The following GRIN2A variants were observed in gnomAD, a reference collection of about 807,000 sequenced individuals.
GRIN2A encodes the protein glutamate receptor ionotropic, NMDA 2A.
A neutral mutation model predicts 113.4 loss-of-function variants in GRIN2A; 22 were observed. That is an observed-to-expected ratio of 0.19 (90% CI 0.14 to 0.28). The LOEUF (loss-of-function observed/expected upper bound fraction) is 0.28. Ranked by LOEUF, GRIN2A falls within the 10% of genes least tolerant of loss-of-function variation. GRIN2A has a pLI of 1.00. For synonymous variants in GRIN2A, 827 were observed against 738.4 expected (o/e 1.12, Z -1.94); for missense variants, 1,502 against 1,887.0 (o/e 0.80, Z 3.78).
chr16:9,863,144 G>A (rs1256854549), intron 4 of GRIN2A, among the ~76,000 whole-genome samples: 1 of 152,182 alleles, frequency 6.6e-6, no homozygotes, highest in Non-Finnish European at 1.5e-5. Context: ...ATATTTCCAA[G>A]GCTGCCATCC....
At chr16:9,990,554 C>T (rs566099295) in intron 2 of GRIN2A, among the ~76,000 whole-genome samples, 488 of 105,406 alleles carry the variant, frequency 4.6e-3, no homozygotes, top group African/African-American at 6.1e-3. Flanking sequence ...CACGCGCGCG[C>T]GCGCGCGCGC....
intron 11 of GRIN2A, among the ~76,000 whole-genome samples, chr16:9,793,017 A>G (rs142160125): frequency 1.6e-4 from 24 of 152,318 alleles, no homozygotes; most frequent in Middle Eastern, 3.4e-3. Flanking sequence ...CCCTAGACCC[A>G]CTGAAACAGT....
At chr16:9,912,619 T>C (rs2044167197) in intron 3 of GRIN2A, among the ~76,000 whole-genome samples, 2 of 152,198 alleles carry the variant, frequency 1.3e-5, no homozygotes, top group South Asian at 4.1e-4. Flanking sequence ...GCCTCTTTAA[T>C]TGTGCCAACT....
chr16:9,848,589 T>C (rs1490220334), intron 5 of GRIN2A, among the ~76,000 whole-genome samples: 1 of 149,360 alleles, frequency 6.7e-6, no homozygotes, highest in Non-Finnish European at 1.5e-5. Flanking sequence ...TTACATATTT[T>C]AATGTATAAA....
At chr16:10,000,340 A>G (rs959989132) in intron 2 of GRIN2A, among the ~76,000 whole-genome samples, 41 of 151,852 alleles carry the variant, frequency 2.7e-4, no homozygotes, top group African/African-American at 9.4e-4. Context: ...CACTACTCCT[A>G]CTATTACAGA....
intron 2 of GRIN2A, among the ~76,000 whole-genome samples, chr16:10,153,187 G>A (rs2049619806): frequency 6.6e-6 from 1 of 152,148 alleles, no homozygotes; most frequent in Non-Finnish European, 1.5e-5. Context: ...TCACAGGGAT[G>A]GCTATTCATG....
At chr16:9,774,485 C>T (rs918599898) in intron 11 of GRIN2A, among the ~76,000 whole-genome samples, 2 of 152,168 alleles carry the variant, frequency 1.3e-5, no homozygotes, top group Admixed American at 6.5e-5. Flanking sequence ...GGTCCAGGTA[C>T]TCTACTTTAA....
chr16:9,949,502 G>A (rs1005803898), intron 2 of GRIN2A, among the ~76,000 whole-genome samples: 1 of 151,726 alleles, frequency 6.6e-6, no homozygotes, highest in African/African-American at 2.4e-5. Context: ...TAGGGTAGAT[G>A]GATGGATGAC....
intron 11 of GRIN2A, among the ~76,000 whole-genome samples, chr16:9,786,718 C>T (rs1902251123): frequency 6.6e-6 from 1 of 152,180 alleles, no homozygotes; most frequent in East Asian, 1.9e-4. Flanking sequence ...TGCATAGGTA[C>T]CAATTGTACC....
chr16:10,076,862 G>A (rs563058997), intron 2 of GRIN2A, among the ~76,000 whole-genome samples: 2 of 152,270 alleles, frequency 1.3e-5, no homozygotes, highest in African/African-American at 4.8e-5. Flanking sequence ...CCCCAACAAG[G>A]TCCACACCCT....
chr16:10,176,875 A>G (rs1476114584), intron 2 of GRIN2A, among the ~76,000 whole-genome samples: 1 of 152,218 alleles, frequency 6.6e-6, no homozygotes, highest in Non-Finnish European at 1.5e-5. Flanking sequence ...AAAAGTTAAA[A>G]AAATGTGTGT....
chr16:10,033,091 G>A (rs900767701), intron 2 of GRIN2A, among the ~76,000 whole-genome samples: 12 of 152,114 alleles, frequency 7.9e-5, no homozygotes, highest in African/African-American at 2.2e-4. Flanking sequence ...CTATATTGGG[G>A]TGAATTTCTG....
chr16:10,041,507 C>T (rs2047166061), intron 2 of GRIN2A, among the ~76,000 whole-genome samples: 2 of 152,136 alleles, frequency 1.3e-5, no homozygotes, highest in South Asian at 4.1e-4. Flanking sequence ...GGTGTCCCCT[C>T]AGTTCTTTAA....
In GRIN2A at chr16:9,969,234, C is replaced by G. The variant is rs918006195; in HGVS notation, c.415-30683G>C. ...TTTTTTGAACTTGGTGTTACCGAAT[C>G]TTTCCTCTACTGACATCACCTCCCT... On this transcript the variant is annotated intron_variant, in intron 2 of 12. Transcript: ENST00000330684. 4.6e-5 allele frequency among the ~76,000 whole-genome samples: 7 copies of G among 152,232 alleles called. No individual in the cohort carries two copies. In the East Asian group the frequency reaches 1.4e-3, roughly 30 times the overall value.
At chr16:10,138,339 G>A (rs1008609085) in intron 2 of GRIN2A, among the ~76,000 whole-genome samples, 4 of 152,122 alleles carry the variant, frequency 2.6e-5, no homozygotes, top group African/African-American at 4.8e-5. Flanking sequence ...AGGAACAGAG[G>A]TTTAATTGAC....
chr16:10,015,253 AAAAAAAAAAAAAAAAAAAG>A (rs1319816645), intron 2 of GRIN2A, among the ~76,000 whole-genome samples: 1 of 30,168 alleles, frequency 3.3e-5, no homozygotes, highest in African/African-American at 1.8e-4. Context: ...ACTTCATCTC[AAAAAAAAAAAAAAAAAAAG>A]AAAAAAAAAA....
intron 2 of GRIN2A, among the ~76,000 whole-genome samples, chr16:10,059,720 GAAAA>G (rs34385533): frequency 0.12 from 14,794 of 118,368 alleles, 890 homozygotes; most frequent in African/African-American, 0.16. Context: ...CATCGTGACC[GAAAA>G]AAAAAAAAAA....
chr16:10,179,893 C>CCCCCAACAAAAAAAA, intron 2 of GRIN2A, 105 bp downstream of exon 2: 1 of 719,818 alleles, frequency 1.4e-6, no homozygotes, highest in Non-Finnish European at 2.4e-6. Context: ...CCCCCACCCC[C>CCCCCAACAAAAAAAA]ACTTCACATC....
chr16:9,798,437 G>A lies in GRIN2A; in HGVS notation c.2196C>T (p.Ala732=), dbSNP rs748323416. ...TCCCAGCCTTGTAATTCAAGACTGCGGCATCGTAGATGAAAGCGTCCAGCT... is the reference window on the plus strand; with the variant it reads ...TCCCAGCCTTGTAATTCAAGACTGCAGCATCGTAGATGAAAGCGTCCAGCT... ...TGKLDAFIYD[A]AVLNYKAGRD... is the part of the protein sequence containing the mutation. The change falls in exon 11 of 13, where the codon GCC becomes GCT. Residue 732 remains alanine (A), a synonymous_variant. Transcript: ENST00000330684. 58 of 1,613,908 alleles carry A rather than the reference G, an allele frequency of 3.6e-5. No homozygotes were observed. The East Asian group carries it at 7.4e-4, about 20-fold the overall frequency.
Sources: gnomAD v4.1 joint callset for allele counts (sites outside exome capture counted in the v4.1 genomes callset) on GRCh38, gnomAD v4.1.1 for gene constraint, MANE v1.5 for transcripts, NCBI Gene and HGNC (gene_info 2026-07-23, HGNC 2026-07-21) for gene names.